The following FER variants were observed in gnomAD, a reference collection of about 807,000 sequenced individuals.
FER encodes the protein FER tyrosine kinase.
A neutral mutation model predicts 111.0 loss-of-function variants in FER; 63 were observed. The ratio of observed to expected loss-of-function variants is 0.57; its 90% CI spans 0.46 to 0.70. The LOEUF (loss-of-function observed/expected upper bound fraction) is 0.70. FER is among the 30% of genes least tolerant of loss of function. The pLI is 0.00. For synonymous variants in FER, 327 were observed against 313.9 expected, an observed-to-expected ratio of 1.04 and a Z score of -0.44; for missense variants, 914 against 954.0, an observed-to-expected ratio of 0.96 and a Z score of 0.55.
At position 109,025,693 on chromosome 5, in the gene FER, T is replaced by C. The variant is rs546726206; in HGVS notation, c.1657-11729T>C. On this transcript the variant is annotated intron_variant, in intron 13 of 19. Transcript: ENST00000281092. The stretch of plus-strand genomic sequence containing the variant: ...GTGGTGAGAGAGGGCATCCCTGTCT[T>C]GTGCCAGTTTTCAAAGGGAATGCTT... Among the ~76,000 whole-genome samples the C allele has an allele frequency of 1.2e-4, 18 of 151,928 alleles. No homozygotes were observed. In the Middle Eastern group the frequency reaches 0.014, roughly 115 times the overall value.
intron 9 of FER, among the ~76,000 whole-genome samples, chr5:108,891,121 G>A (rs376995839): frequency 6.6e-6 from 1 of 152,036 alleles, no homozygotes; most frequent in African/African-American, 2.4e-5. Flanking sequence ...TTTCCCTAAT[G>A]AATGATGTTC....
intron 10 of FER, among the ~76,000 whole-genome samples, chr5:108,924,351 ACT>A (rs1188650382): frequency 9.0e-5 from 12 of 133,150 alleles, no homozygotes; most frequent in Admixed American, 8.4e-4. Flanking sequence ...CAAGAGCGAA[ACT>A]CTGTCTCAAA....
intron 13 of FER, among the ~76,000 whole-genome samples, chr5:109,029,538 C>T (rs1300821716): frequency 2.0e-5 from 3 of 147,280 alleles, no homozygotes; most frequent in Non-Finnish European, 3.0e-5. Flanking sequence ...TCCCAAAGTG[C>T]TAGGGTGAGC....
chr5:109,180,233 C>T (rs1056923332), intron 17 of FER, among the ~76,000 whole-genome samples: 28 of 152,150 alleles, frequency 1.8e-4, no homozygotes, highest in Non-Finnish European at 1.2e-4. Flanking sequence ...CAGCCACTTT[C>T]CAACCTTTGG....
intron 17 of FER, among the ~76,000 whole-genome samples, chr5:109,176,513 G>A (rs752312690): frequency 8.5e-5 from 13 of 152,088 alleles, no homozygotes; most frequent in East Asian, 5.8e-4. Flanking sequence ...AAAGAGATTG[G>A]GTTTGTAGAT....
intron 5 of FER, among the ~76,000 whole-genome samples, chr5:108,862,328 A>C (rs950592094): frequency 3.3e-5 from 5 of 152,142 alleles, no homozygotes; most frequent in African/African-American, 1.2e-4. Flanking sequence ...GTTATCTTGG[A>C]GCATAAAATC....
chr5:109,179,102 T>C (rs1758013330), intron 17 of FER, among the ~76,000 whole-genome samples: 1 of 152,216 alleles, frequency 6.6e-6, no homozygotes, highest in Non-Finnish European at 1.5e-5. Flanking sequence ...AAATCATTAA[T>C]TCTAGTTCTT....
At position 108,914,063 on chromosome 5, in the gene FER, T is replaced by G. The variant is rs149304691; in HGVS notation, c.1236+16215T>G. On this transcript the variant is annotated intron_variant, in intron 10 of 19. Transcript: ENST00000281092. Reference sequence around the variant, plus strand: ...GTATAGACAGTGACTTGTTTCTTGATCTGTGTTCTGGTTACAGGGACTTTT... The same window carrying G: ...GTATAGACAGTGACTTGTTTCTTGAGCTGTGTTCTGGTTACAGGGACTTTT... Among the ~76,000 whole-genome samples the G allele has an allele frequency of 6.6e-3, 1,004 of 152,340 alleles. 3 individuals are homozygous for G. Among genetic ancestry groups the G allele is most frequent in the Middle Eastern group, 0.014 (4 of 294 alleles).
intron 16 of FER, among the ~76,000 whole-genome samples, chr5:109,089,404 T>C (rs1043930411): frequency 3.9e-5 from 6 of 152,132 alleles, no homozygotes; most frequent in Non-Finnish European, 5.9e-5. Flanking sequence ...CCACTGACTT[T>C]AAGGAGGGCA....
intron 18 of FER, among the ~76,000 whole-genome samples, chr5:109,182,224 A>G (rs1758361198): frequency 6.6e-6 from 1 of 152,208 alleles, no homozygotes; most frequent in Non-Finnish European, 1.5e-5. Context: ...CTTTTTGAGG[A>G]ACCACCAAAT....
At chr5:108,982,534 T>G (rs991422605) in intron 13 of FER, among the ~76,000 whole-genome samples, 2 of 152,074 alleles carry the variant, frequency 1.3e-5, no homozygotes, top group African/African-American at 4.8e-5. Context: ...AAAATTGATT[T>G]TTGCAGTCTT....
At chr5:108,781,831 T>C (rs1243590527) in intron 2 of FER, among the ~76,000 whole-genome samples, 1 of 152,164 alleles carries the variant, frequency 6.6e-6, no homozygotes, top group African/African-American at 2.4e-5. Flanking sequence ...AAATAGTTTC[T>C]CCTGAAGGAA....
chr5:109,056,970 C>T (rs961350920), intron 16 of FER, among the ~76,000 whole-genome samples: 3 of 152,056 alleles, frequency 2.0e-5, no homozygotes, highest in African/African-American at 7.2e-5. Flanking sequence ...TATAGAAAGG[C>T]TTGGTAGAAT....
intron 13 of FER, among the ~76,000 whole-genome samples, chr5:109,007,433 A>T (rs1380619186): frequency 1.3e-5 from 2 of 149,730 alleles, no homozygotes; most frequent in Admixed American, 6.7e-5. Context: ...GAACAATTGC[A>T]TCAGCTCCCA....
At position 108,883,427 on chromosome 5, in the gene FER, A is replaced by G; in HGVS notation, c.955A>G (p.Thr319Ala). The G allele has an allele frequency of 1.1e-5, 17 of 1,608,432 alleles. No homozygotes were observed. Among genetic ancestry groups the G allele is most frequent in the Non-Finnish European group, 1.4e-5 (17 of 1,176,512 alleles). Residue 319 changes from threonine (T) to alanine (A), a missense_variant, in exon 9 of 20, where the codon ACA becomes GCA. Coordinates refer to ENST00000281092, the MANE Select transcript of FER (RefSeq NM_005246.4). Reference protein sequence around the residue: ...LKTLAEELMQTQQMLLNKEEA... With the variant: ...LKTLAEELMQAQQMLLNKEEA... The stretch of plus-strand genomic sequence containing the variant: ...AACGTTAGCGGAAGAACTTATGCAA[A>G]CACAGCAGATGCTTTTAAACAAGGA...
At chr5:108,845,052 A>ACG (rs1761869547) in intron 5 of FER, among the ~76,000 whole-genome samples, 1 of 63,598 alleles carries the variant, frequency 1.6e-5, no homozygotes, top group African/African-American at 7.3e-5. Flanking sequence ...ATATATATAT[A>ACG]TATATATATA....
rs1759370157 is a variant in FER at position 109,191,429 on chromosome 5, T to G, written c.*3854T>G. ...CCATTTATCATTGATATTTTAGATG[T>G]TTCTTATCAACAAAATTGGCTGCCC... On this transcript the variant is annotated 3_prime_UTR_variant, in exon 20 of 20. Transcript: ENST00000281092. The G allele has an allele frequency of 6.6e-6, 1 of 152,174 alleles. No individual in the cohort carries two copies. The highest frequency in any genetic ancestry group is 2.4e-5 in the African/African-American group (1 of 41,454). The allele number at this position is 152,174 out of a possible 1,614,324, so 9.4% of individuals were successfully genotyped here. A position where few individuals can be genotyped will look rare whatever the true frequency, so the allele number is the denominator to read the frequency against.
intron 13 of FER, among the ~76,000 whole-genome samples, chr5:109,017,022 C>G (rs1015876011): frequency 3.3e-5 from 5 of 152,028 alleles, no homozygotes; most frequent in African/African-American, 4.8e-5. Context: ...TCAGCAGATT[C>G]TGTTGTTTAA....
intron 17 of FER, among the ~76,000 whole-genome samples, chr5:109,104,102 T>C (rs188706335): frequency 2.0e-5 from 3 of 152,352 alleles, no homozygotes; most frequent in Non-Finnish European, 4.4e-5. Context: ...ATATGATTTC[T>C]TTTTCTAATT....
Sources: gnomAD v4.1 joint callset for allele counts (sites outside exome capture counted in the v4.1 genomes callset) on GRCh38, gnomAD v4.1.1 for gene constraint, MANE v1.5 for transcripts, NCBI Gene and HGNC (gene_info 2026-07-23, HGNC 2026-07-21) for gene names.